The following MROH9 variants were observed in gnomAD, a reference collection of about 807,000 sequenced individuals.
The protein encoded by MROH9 is maestro heat-like repeat-containing protein family member 9.
MROH9 carries 92 observed loss-of-function variants against 98.2 expected under a neutral mutation model. The ratio of observed to expected loss-of-function variants is 0.94; its 90% CI spans 0.79 to 1.11. The LOEUF (loss-of-function observed/expected upper bound fraction) is 1.11, where lower values mean the gene tolerates loss of function less well. Ranked by LOEUF, MROH9 falls within the 50% of genes most tolerant of loss-of-function variation. The pLI is 0.00. For synonymous variants in MROH9, 397 were observed against 368.9 expected (o/e 1.08, Z -0.87); for missense variants, 1,057 against 1,014.8 (o/e 1.04, Z -0.57).
intron 15 of MROH9, among the ~76,000 whole-genome samples, chr1:170,999,279 C>T (rs1169517690): frequency 1.3e-5 from 2 of 152,038 alleles, no homozygotes; most frequent in African/African-American, 2.4e-5. Flanking sequence ...GCAGCATACA[C>T]TGCACAATAT....
intron 9 of MROH9, among the ~76,000 whole-genome samples, chr1:170,985,318 A>G (rs1385296028): frequency 4.6e-5 from 7 of 152,192 alleles, no homozygotes; most frequent in Admixed American, 4.6e-4. Context: ...AGTTAATAGT[A>G]TATTATGCAA....
At chr1:171,017,822 C>T (rs1302425146) in intron 17 of MROH9, among the ~76,000 whole-genome samples, 1 of 152,158 alleles carries the variant, frequency 6.6e-6, no homozygotes, top group African/African-American at 2.4e-5. Flanking sequence ...CTGGACCCAT[C>T]CCTCCTCGCT....
chr1:171,010,106 A>T (rs189497886), intron 15 of MROH9, among the ~76,000 whole-genome samples: 165 of 151,852 alleles, frequency 1.1e-3, no homozygotes, highest in Non-Finnish European at 1.9e-3. Context: ...CTAGCCCCCA[A>T]CTCCCTGAAA....
chr1:171,014,951 G>C (rs1652278967), intron 16 of MROH9: 1 of 471,034 alleles, frequency 2.1e-6, no homozygotes, highest in Non-Finnish European at 4.4e-6. Context: ...AGTTAAAGCT[G>C]AGAACAACAA....
rs555101308 is a variant in MROH9, at chr1:171,062,493, C to G, written c.2344+299C>G. On this transcript the variant is annotated intron_variant, in intron 21 of 21. Coordinates refer to ENST00000367759, the MANE Select transcript of MROH9 (RefSeq NM_001163629.2). The stretch of plus-strand genomic sequence containing the variant: ...CTTGGGAACTTCAGAAAGTTGAAAA[C>G]TCATTTACTCATTCATCTAACAAAT... 8.5e-5 allele frequency among the ~76,000 whole-genome samples: 13 copies of G among 152,316 alleles called. No individual in the cohort carries two copies. The South Asian group carries it at 2.7e-3, about 32-fold the overall frequency.
At chr1:170,947,720 A>C in intron 3 of MROH9, 147 bp downstream of exon 3, 1 of 664,092 alleles carries the variant, frequency 1.5e-6, no homozygotes. Flanking sequence ...ATTTGGTTAA[A>C]AATTGTTTTT....
chr1:170,952,467 G>A (rs941171859), intron 3 of MROH9, among the ~76,000 whole-genome samples: 2 of 151,966 alleles, frequency 1.3e-5, no homozygotes, highest in African/African-American at 4.8e-5. Flanking sequence ...GGATGAAGCT[G>A]GAAACCATCA....
intron 7 of MROH9, among the ~76,000 whole-genome samples, chr1:170,969,993 G>A (rs1336758047): frequency 6.6e-6 from 1 of 152,108 alleles, no homozygotes; most frequent in Non-Finnish European, 1.5e-5. Context: ...CTTGGGTCAT[G>A]TCCCACTTCC....
intron 20 of MROH9, among the ~76,000 whole-genome samples, chr1:171,043,098 T>C (rs1388415933): frequency 2.6e-5 from 4 of 152,154 alleles, no homozygotes; most frequent in Non-Finnish European, 5.9e-5. Flanking sequence ...AATGTTTTCT[T>C]GTAATAGGTG....
chr1:171,015,250 G>T, intron 16 of MROH9: 1 of 337,744 alleles, frequency 3.0e-6, no homozygotes, highest in South Asian at 2.4e-5. Context: ...CAAGTTGATG[G>T]ATTTACCAGT....
At chr1:170,946,965 C>A (rs1331514496) in intron 2 of MROH9, among the ~76,000 whole-genome samples, 1 of 151,736 alleles carries the variant, frequency 6.6e-6, no homozygotes, top group Non-Finnish European at 1.5e-5. Flanking sequence ...GCATTTATTT[C>A]TATTTTTAAA....
In MROH9 at chr1:171,064,172, G is replaced by T. The variant is rs1557920107; in HGVS notation, c.2418G>T (p.Lys806Asn). 6.4e-7 allele frequency: 1 copy of T among 1,550,800 alleles called. No homozygotes were observed. The highest frequency in any genetic ancestry group is 8.7e-7 in the Non-Finnish European group (1 of 1,146,734). Residue 806 changes from lysine to asparagine, a missense_variant, in exon 22 of 22, where the codon AAG (lysine) becomes AAT (asparagine). Coordinates refer to ENST00000367759, the MANE Select transcript of MROH9 (RefSeq NM_001163629.2). ...CTGAAATAACCTATGATATTTTTAAGAAAAAAGCCCATAAACTGACCTCTG... is the reference window on the plus strand; with the variant it reads ...CTGAAATAACCTATGATATTTTTAATAAAAAAGCCCATAAACTGACCTCTG... ...QLAEITYDIF[K>N]KKAHKLTSAP...
At chr1:170,946,748 G>A (rs754359957) in intron 2 of MROH9, among the ~76,000 whole-genome samples, 20 of 151,748 alleles carry the variant, frequency 1.3e-4, no homozygotes, top group Admixed American at 3.9e-4. Flanking sequence ...AATTATCAAA[G>A]GGCTACCTCC....
At chr1:170,939,362 G>T (rs2101860667) in intron 1 of MROH9, among the ~76,000 whole-genome samples, 1 of 152,296 alleles carries the variant, frequency 6.6e-6, no homozygotes, top group Non-Finnish European at 1.5e-5. Context: ...TTGGGGTTTT[G>T]CCCACTGGGA....
intron 17 of MROH9, among the ~76,000 whole-genome samples, chr1:171,016,868 A>G (rs754991404): frequency 2.0e-5 from 3 of 152,194 alleles, no homozygotes; most frequent in Non-Finnish European, 2.9e-5. Context: ...CTCATTTTAC[A>G]TGGTAAATAT....
At chr1:171,063,032 A>G (rs1654058452) in intron 21 of MROH9, among the ~76,000 whole-genome samples, 1 of 152,014 alleles carries the variant, frequency 6.6e-6, no homozygotes, top group East Asian at 1.9e-4. Flanking sequence ...CATTCAACAC[A>G]TATTTGACTA....
At chr1:171,059,535 C>G (rs891128079) in intron 20 of MROH9, among the ~76,000 whole-genome samples, 10 of 152,294 alleles carry the variant, frequency 6.6e-5, no homozygotes, top group African/African-American at 2.4e-4. Context: ...AATCCCATTA[C>G]TGGGTATATA....
In MROH9 at chr1:171,062,258, T is replaced by G. The variant is rs376350192; in HGVS notation, c.2344+64T>G. On this transcript the variant is annotated intron_variant, in intron 21 of 21. Transcript: ENST00000367759. ...TCTAAATACATTTACTATTTTTAAT[T>G]CTAGTCACATATGAGTTCTGTTAGA... 24 of 1,184,536 alleles carry G rather than the reference T, an allele frequency of 2.0e-5. 1 individual carries two copies. In the African/African-American group the frequency reaches 2.6e-4, roughly 13 times the overall value. 73.4% of individuals were successfully genotyped at this position (1,184,536 alleles called of 1,614,324 possible).
In MROH9 at chr1:170,992,306, A is replaced by G. The variant is rs751432536; in HGVS notation, c.1171A>G (p.Ile391Val). The G allele has an allele frequency of 1.2e-6, 2 of 1,613,366 alleles. No homozygotes were observed. The highest frequency in any genetic ancestry group is 2.2e-5 in the South Asian group (2 of 91,030). The change falls in exon 12 of 22, where the codon ATT (isoleucine) becomes GTT (valine). Residue 391 changes from isoleucine to valine, a missense_variant. Physicochemically the swap from Ile to Val is conservative, Grantham distance 29. Transcript: ENST00000367759. ...VTEGKRFSLD[I>V]TNLMPLAACQ... ...GGAAGGGAAACGTTTCTCTCTTGAT[A>G]TTACCAACTTGATGCCTTTGGCGGT...
Sources: gnomAD v4.1 joint callset for allele counts (sites outside exome capture counted in the v4.1 genomes callset) on GRCh38, gnomAD v4.1.1 for gene constraint, MANE v1.5 for transcripts, NCBI Gene and HGNC (gene_info 2026-07-23, HGNC 2026-07-21) for gene names.